The following CTNNA3 variants were observed in gnomAD, a reference collection of about 807,000 sequenced individuals.
CTNNA3 encodes the protein catenin alpha 3, also known as catenin alpha-3.
CTNNA3 carries 76 observed loss-of-function variants against 95.7 expected under a neutral mutation model. The observed-to-expected ratio is 0.79, with a 90% confidence interval of 0.66 to 0.96. CTNNA3 has a LOEUF of 0.96. CTNNA3 is among the 40% of genes least tolerant of loss of function. The probability of loss-of-function intolerance (pLI) is 0.00; values close to 1 mark genes in which losing one functional copy is unlikely to be tolerated. For synonymous variants in CTNNA3, 431 were observed against 374.4 expected (o/e 1.15, Z -1.74); for missense variants, 1,191 against 1,089.8 (o/e 1.09, Z -1.31).
chr10:66,383,919 C>G (rs1430044787), intron 11 of CTNNA3, among the ~76,000 whole-genome samples: 4 of 152,108 alleles, frequency 2.6e-5, no homozygotes, highest in Non-Finnish European at 5.9e-5. Flanking sequence ...CACCATCAGG[C>G]CTGCCTTACA....
chr10:67,059,813 T>C (rs773400227), intron 7 of CTNNA3, among the ~76,000 whole-genome samples: 1 of 152,206 alleles, frequency 6.6e-6, no homozygotes, highest in Non-Finnish European at 1.5e-5. Flanking sequence ...TTATTTATAC[T>C]AATGTATATT....
chr10:66,010,693 C>T (rs1394884399), intron 15 of CTNNA3, among the ~76,000 whole-genome samples: 1 of 152,132 alleles, frequency 6.6e-6, no homozygotes, highest in Non-Finnish European at 1.5e-5. Flanking sequence ...ATTTAATTTT[C>T]CTTTCAAAGA....
chr10:67,527,974 T>C (rs1225514284), intron 4 of CTNNA3, among the ~76,000 whole-genome samples: 1 of 152,198 alleles, frequency 6.6e-6, no homozygotes, highest in African/African-American at 2.4e-5. Flanking sequence ...CTCATTCTGC[T>C]CATTCTGCTC....
At chr10:67,061,557 A>T (rs1195782601) in intron 7 of CTNNA3, among the ~76,000 whole-genome samples, 1 of 152,154 alleles carries the variant, frequency 6.6e-6, no homozygotes, top group Non-Finnish European at 1.5e-5. Context: ...CAGGCATATC[A>T]AAAAATGAAT....
intron 5 of CTNNA3, among the ~76,000 whole-genome samples, chr10:67,390,917 G>A (rs1310519213): frequency 1.3e-5 from 2 of 151,338 alleles, no homozygotes; most frequent in African/African-American, 4.9e-5. Context: ...AAAATAATAA[G>A]AGCTATCTAT....
chr10:66,067,237 G>A (rs1477943853), intron 15 of CTNNA3, among the ~76,000 whole-genome samples: 1 of 152,108 alleles, frequency 6.6e-6, no homozygotes, highest in Non-Finnish European at 1.5e-5. Context: ...AATTGTACTA[G>A]TCATACAATA....
At chr10:66,711,258 C>CAAAAAAAAAAAAAAAAA (rs56013857) in intron 9 of CTNNA3, among the ~76,000 whole-genome samples, 3 of 118,122 alleles carry the variant, frequency 2.5e-5, no homozygotes, top group Non-Finnish European at 3.4e-5. Context: ...GAACAAGAAA[C>CAAAAAAAAAAAAAAAAA]AAAAAAAAAA....
intron 11 of CTNNA3, among the ~76,000 whole-genome samples, chr10:66,512,244 T>C (rs1420436620): frequency 6.6e-6 from 1 of 152,082 alleles, no homozygotes; most frequent in Non-Finnish European, 1.5e-5. Flanking sequence ...TAATCTGTTC[T>C]GTTATAGTCT....
chr10:66,537,713 C>G (rs1056717894), intron 10 of CTNNA3, among the ~76,000 whole-genome samples: 2 of 151,720 alleles, frequency 1.3e-5, no homozygotes, highest in Non-Finnish European at 2.9e-5. Context: ...AGCCTTAATA[C>G]TTTGGGAAGC....
chr10:67,523,005 T>C (rs1840030953), intron 4 of CTNNA3, among the ~76,000 whole-genome samples: 2 of 152,200 alleles, frequency 1.3e-5, no homozygotes, highest in South Asian at 2.1e-4. Context: ...TAAGATTTTA[T>C]AGAATATAAT....
intron 7 of CTNNA3, among the ~76,000 whole-genome samples, chr10:66,886,878 T>C (rs1291508273): frequency 6.6e-6 from 1 of 152,166 alleles, no homozygotes; most frequent in Non-Finnish European, 1.5e-5. Flanking sequence ...AGAATATAAA[T>C]GGAGAAAAGC....
At chr10:66,244,067 C>G (rs2090210449) in intron 13 of CTNNA3, among the ~76,000 whole-genome samples, 1 of 152,206 alleles carries the variant, frequency 6.6e-6, no homozygotes, top group African/African-American at 2.4e-5. Context: ...CACAAGCTGA[C>G]TAAAGAGCCC....
At chr10:67,481,988 C>G (rs1812287526) in intron 5 of CTNNA3, among the ~76,000 whole-genome samples, 1 of 151,972 alleles carries the variant, frequency 6.6e-6, no homozygotes, top group Non-Finnish European at 1.5e-5. Context: ...TTTCCCAGCA[C>G]CATTTATTAA....
At chr10:67,335,029 C>A (rs929083526) in intron 5 of CTNNA3, 3 of 152,066 alleles carry the variant, frequency 2.0e-5, no homozygotes, top group Non-Finnish European at 4.4e-5. Context: ...AGTATACACA[C>A]ACACACACAC....
chr10:66,620,475 T>C (rs1046267584), intron 10 of CTNNA3, among the ~76,000 whole-genome samples: 1 of 152,170 alleles, frequency 6.6e-6, no homozygotes, highest in African/African-American at 2.4e-5. Flanking sequence ...AATTACACAT[T>C]AAAACCAATG....
In CTNNA3 at chr10:66,675,237, CT is replaced by C. The variant is rs535383248; in HGVS notation, c.1282-53454del. On this transcript the variant is annotated intron_variant, in intron 9 of 17. Transcript: ENST00000433211. ...ATTAAACCCGATCCATCTGCTGCTG[CT>C]TTTTTTTTTCTTTTTAAATAAATTA... Among the ~76,000 whole-genome samples the C allele has an allele frequency of 2.3e-3, 339 of 149,248 alleles. 1 individual carries two copies. Among genetic ancestry groups the C allele is most frequent in the East Asian group, 9.0e-3 (46 of 5,106 alleles).
intron 7 of CTNNA3, among the ~76,000 whole-genome samples, chr10:67,090,793 G>A (rs944385108): frequency 6.6e-6 from 1 of 152,066 alleles, no homozygotes; most frequent in African/African-American, 2.4e-5. Context: ...TGGCTAGGCA[G>A]AGTAACAGCT....
At chr10:67,750,706 TG>T in intron 1 of CTNNA3, 1 of 1,568,890 alleles carries the variant, frequency 6.4e-7, no homozygotes, top group Non-Finnish European at 8.8e-7. Flanking sequence ...CTTGGATGCC[TG>T]GGAGGCCATG....
intron 12 of CTNNA3, among the ~76,000 whole-genome samples, chr10:66,364,722 G>T (rs1026155883): frequency 6.6e-6 from 1 of 152,148 alleles, no homozygotes; most frequent in East Asian, 1.9e-4. Context: ...TTACAGATAT[G>T]GGGCCCATAG....
Sources: gnomAD v4.1 joint callset for allele counts (sites outside exome capture counted in the v4.1 genomes callset) on GRCh38, gnomAD v4.1.1 for gene constraint, MANE v1.5 for transcripts, NCBI Gene and HGNC (gene_info 2026-07-23, HGNC 2026-07-21) for gene names.